Variants in STAU1 observed in about 807,000 individuals in gnomAD.
The protein encoded by STAU1 is staufen double-stranded RNA binding protein 1, also known as double-stranded RNA-binding protein Staufen homolog 1.
A neutral mutation model predicts 62.9 loss-of-function variants in STAU1; 13 were observed. The observed-to-expected ratio is 0.21, with a 90% CI of 0.13 to 0.33. The LOEUF (loss-of-function observed/expected upper bound fraction) is 0.33, where lower values mean the gene tolerates loss of function less well. STAU1 is among the 10% of genes least tolerant of loss of function. The pLI, the probability that STAU1 is intolerant of heterozygous loss-of-function variation, is 1.00. For missense variants in STAU1, 571 were observed against 712.1 expected (o/e 0.80, Z 2.25); for synonymous variants, 269 against 265.1 (o/e 1.01, Z -0.14).
the STAU1 span, among the ~76,000 whole-genome samples, chr20:49,206,548 C>T: frequency 5.7e-4 from 82 of 142,740 alleles, no homozygotes; most frequent in Non-Finnish European, 8.8e-4. Context: ...CTTGCTCTGT[C>T]ACCCAGGCTG....
intron 5 of STAU1, among the ~76,000 whole-genome samples, chr20:49,148,153 T>C (rs2093167532): frequency 2.6e-5 from 4 of 152,226 alleles, no homozygotes. Flanking sequence ...AGAGGCCAAG[T>C]GTTTCACTTA....
the STAU1 span, among the ~76,000 whole-genome samples, chr20:49,201,106 C>CAG: frequency 1.2e-5 from 1 of 81,162 alleles, no homozygotes; most frequent in Non-Finnish European, 2.7e-5. Flanking sequence ...GAAAAGAAAA[C>CAG]AGATCAGTGA....
chr20:49,205,600 G>A, the STAU1 span, among the ~76,000 whole-genome samples: 558 of 149,898 alleles, frequency 3.7e-3, 1 homozygote, highest in Non-Finnish European at 6.0e-3. Flanking sequence ...TTCTGACCTC[G>A]TGATCCACCC....
At chr20:49,217,294 C>G in the STAU1 span, among the ~76,000 whole-genome samples, 1 of 152,116 alleles carries the variant, frequency 6.6e-6, no homozygotes, top group South Asian at 2.1e-4. Flanking sequence ...TCACATGCGC[C>G]CCCTGCTGGC....
At chr20:49,149,570 AG>A (rs1366702326) in intron 5 of STAU1, among the ~76,000 whole-genome samples, 1 of 152,242 alleles carries the variant, frequency 6.6e-6, no homozygotes, top group Non-Finnish European at 1.5e-5. Context: ...GCAACAGTCA[AG>A]TAAAAAGCTG....
At chr20:49,190,352 C>T (rs1400193273), upstream of STAU1, among the ~76,000 whole-genome samples, 3 of 152,118 alleles carry the variant, frequency 2.0e-5, no homozygotes, top group African/African-American at 7.2e-5. Context: ...GGCATGAGCA[C>T]AGCTAACTGC....
intron 5 of STAU1, among the ~76,000 whole-genome samples, chr20:49,139,862 G>A (rs543660767): frequency 6.6e-6 from 1 of 152,096 alleles, no homozygotes; most frequent in South Asian, 2.1e-4. Flanking sequence ...TAAAATGGTT[G>A]TACCAGATTT....
At chr20:49,201,270 G>C in the STAU1 span, among the ~76,000 whole-genome samples, 1 of 152,010 alleles carries the variant, frequency 6.6e-6, no homozygotes, top group Admixed American at 6.6e-5. Flanking sequence ...AAGGATGTCT[G>C]AGGATACGAG....
At chr20:49,177,721 A>C (rs1459154679) in intron 1 of STAU1, among the ~76,000 whole-genome samples, 1 of 152,066 alleles carries the variant, frequency 6.6e-6, no homozygotes, top group Non-Finnish European at 1.5e-5. Flanking sequence ...AAAAAAGCTA[A>C]ATATAAGAAC....
Position 49,124,384 on chromosome 20 carries a change from G to A in STAU1, c.813C>T (p.Pro271=), listed in dbSNP as rs1261833529. 2.5e-6 allele frequency: 4 copies of A among 1,613,860 alleles called. No individual in the cohort carries two copies. The highest frequency in any genetic ancestry group is 1.3e-5 in the African/African-American group (1 of 74,980). Residue 271 remains proline (P), a synonymous_variant, in exon 7 of 14, where the codon CCC becomes CCT. Coordinates refer to ENST00000371856, the MANE Select transcript of STAU1 (RefSeq NM_017453.4). Reference sequence around the variant, plus strand: ...TCAGAAAAGTTCTCACCTTGACTATGGGTTTTGTTTTCTTTTTGATTCTAG... The same window carrying A: ...TCAGAAAAGTTCTCACCTTGACTATAGGTTTTGTTTTCTTTTTGATTCTAG... ...VKPRIKKKTK[P]IVKPQTSPEY...
At chr20:49,170,686 C>T (rs1227353756) in intron 2 of STAU1, among the ~76,000 whole-genome samples, 1 of 151,608 alleles carries the variant, frequency 6.6e-6, no homozygotes, top group African/African-American at 2.4e-5. Context: ...ATTTTTAAAC[C>T]GGATTAACAC....
In STAU1 at chr20:49,135,817, T is replaced by A. The variant is rs980269870; in HGVS notation, c.609+16A>T. The A allele has an allele frequency of 2.5e-6, 4 of 1,600,614 alleles. No homozygotes were observed. Among genetic ancestry groups the A allele is most frequent in the Non-Finnish European group, 3.4e-6 (4 of 1,169,142 alleles). On this transcript the variant is annotated intron_variant, in intron 6 of 13. Transcript: ENST00000371856. ...GGATTTTAGAATACAAAGTCCTACA[T>A]GTAAAATTAGCTTACCTCGAAATTC...
intron 6 of STAU1, among the ~76,000 whole-genome samples, chr20:49,126,020 AAGTT>A (rs2092604633): frequency 6.6e-6 from 1 of 151,974 alleles, no homozygotes; most frequent in Non-Finnish European, 1.5e-5. Context: ...CATGAACAGA[AAGTT>A]AGCTGCATAT....
intron 3 of STAU1, chr20:49,159,148 T>C (rs926019725): frequency 3.2e-6 from 3 of 948,986 alleles, no homozygotes; most frequent in Non-Finnish European, 3.9e-6. Context: ...GGGAAAAAGC[T>C]AAAAAAAAAA....
chr20:49,189,461 C>T (rs1226277919), upstream of STAU1, among the ~76,000 whole-genome samples: 1 of 150,060 alleles, frequency 6.7e-6, no homozygotes, highest in African/African-American at 2.4e-5. Context: ...ATGGTGAAAC[C>T]CCGTCTCTAC....
chr20:49,136,069 G>A (rs781725429), intron 5 of STAU1, 138 bp from the exon 6 acceptor site: 37 of 623,214 alleles, frequency 5.9e-5, no homozygotes, highest in Admixed American at 4.9e-4. Context: ...AGACCAGCCT[G>A]AGCAACATGG....
intron 5 of STAU1, among the ~76,000 whole-genome samples, chr20:49,146,882 T>C (rs529463754): frequency 6.6e-6 from 1 of 152,110 alleles, no homozygotes; most frequent in Non-Finnish European, 1.5e-5. Context: ...ACCACTTTCC[T>C]AGTAACAGAC....
At chr20:49,120,402 TG>T (rs2092439291) in intron 8 of STAU1, among the ~76,000 whole-genome samples, 1 of 152,218 alleles carries the variant, frequency 6.6e-6, no homozygotes. Context: ...TAATCATCTG[TG>T]TTCTGAGGGT....
chr20:49,122,955 A>G, intron 8 of STAU1, 137 bp downstream of exon 8: 3 of 568,866 alleles, frequency 5.3e-6, no homozygotes, highest in Non-Finnish European at 7.7e-6. Flanking sequence ...ATAAATAAAT[A>G]AGGATCACAG....
Sources: gnomAD v4.1 joint callset for allele counts (sites outside exome capture counted in the v4.1 genomes callset) on GRCh38, gnomAD v4.1.1 for gene constraint, MANE v1.5 for transcripts, NCBI Gene and HGNC (gene_info 2026-07-23, HGNC 2026-07-21) for gene names.